The following ZNF713 variants were observed in gnomAD, a reference collection of about 807,000 sequenced individuals.
ZNF713 encodes the protein zinc finger protein 713.
Under a neutral mutation model 28.7 loss-of-function variants are expected in ZNF713, and 21 were observed. The observed-to-expected ratio is 0.73, with a 90% CI of 0.52 to 1.05. The LOEUF is 1.05. Among genes scored for constraint, ZNF713 ranks in the 50% least tolerant of loss-of-function variants. ZNF713 has a pLI of 0.00. For synonymous variants in ZNF713, 167 were observed against 178.0 expected (o/e 0.94, Z 0.49); for missense variants, 458 against 532.4 (o/e 0.86, Z 1.37).
chr7:55,921,947 A>G (rs1273056145), intron 4 of ZNF713, among the ~76,000 whole-genome samples: 4 of 152,030 alleles, frequency 2.6e-5, no homozygotes, highest in African/African-American at 9.7e-5. Flanking sequence ...TTTGTTTGAA[A>G]CAGAGTCTCG....
chr7:55,903,546 A>G (rs1164483307), intron 1 of ZNF713, among the ~76,000 whole-genome samples: 1 of 151,986 alleles, frequency 6.6e-6, no homozygotes, highest in Non-Finnish European at 1.5e-5. Context: ...ACACTCCTGT[A>G]ATCCCAGCCA....
chr7:55,918,638 A>T (rs772051766), intron 4 of ZNF713, among the ~76,000 whole-genome samples: 1 of 152,212 alleles, frequency 6.6e-6, no homozygotes, highest in African/African-American at 2.4e-5. Flanking sequence ...GGAGAATGTT[A>T]TTAGAAGCTG....
chr7:55,890,266 A>G (rs1785356093), intron 1 of ZNF713, among the ~76,000 whole-genome samples: 1 of 152,140 alleles, frequency 6.6e-6, no homozygotes, highest in African/African-American at 2.4e-5. Flanking sequence ...CTTGGCCAAC[A>G]TGGTGAAACC....
At chr7:55,909,991 G>GTA (rs1491058927) in intron 2 of ZNF713, among the ~76,000 whole-genome samples, 5 of 149,598 alleles carry the variant, frequency 3.3e-5, no homozygotes, top group East Asian at 3.9e-4. Context: ...GTGTGTGTGT[G>GTA]TATATACGTT....
chr7:55,917,373 C>G (rs889127488), intron 4 of ZNF713, among the ~76,000 whole-genome samples: 1 of 151,894 alleles, frequency 6.6e-6, no homozygotes, highest in Non-Finnish European at 1.5e-5. Flanking sequence ...AAATACTTCT[C>G]TAAATCAGCA....
chr7:55,931,284 C>CAA (rs34625478), intron 6 of ZNF713, among the ~76,000 whole-genome samples: 1 of 140,152 alleles, frequency 7.1e-6, no homozygotes. Flanking sequence ...AAAACTGTCT[C>CAA]AAAAAAAAAA....
chr7:55,902,581 G>A (rs563879566), intron 1 of ZNF713, among the ~76,000 whole-genome samples: 2 of 152,296 alleles, frequency 1.3e-5, no homozygotes, highest in African/African-American at 4.8e-5. Context: ...GAACAGGGAG[G>A]TGGTCTCTCA....
intron 6 of ZNF713, among the ~76,000 whole-genome samples, chr7:55,927,124 A>G (rs558734362): frequency 6.6e-6 from 1 of 152,252 alleles, no homozygotes; most frequent in Non-Finnish European, 1.5e-5. Context: ...CCTGGGTGAC[A>G]GAGTTAGACT....
At chr7:55,919,506 T>TTTTTTTTTTTTTTTTTTTTTTG (rs1785949156) in intron 4 of ZNF713, among the ~76,000 whole-genome samples, 2 of 63,106 alleles carry the variant, frequency 3.2e-5, no homozygotes, top group African/African-American at 1.5e-4. Flanking sequence ...TTTTTTTTTT[T>TTTTTTTTTTTTTTTTTTTTTTG]TTTTTTTTTT....
chr7:55,904,134 A>T (rs1785634766), intron 1 of ZNF713, among the ~76,000 whole-genome samples: 1 of 91,080 alleles, frequency 1.1e-5, no homozygotes, highest in African/African-American at 4.0e-5. Context: ...AAGAGTCACC[A>T]GTCACCAGTC....
In ZNF713 at chr7:55,939,920, C is replaced by T. The variant is rs774137256; in HGVS notation, c.1246C>T (p.His416Tyr). The T allele has an allele frequency of 1.9e-6, 3 of 1,613,778 alleles. No homozygotes were observed. The South Asian group carries it at 3.3e-5, about 18-fold the overall frequency. The change falls in exon 7 of 7, where the codon CAC becomes TAC. Residue 416 changes from histidine (H) to tyrosine (Y), a missense_variant. His to Tyr is a moderately conservative substitution (Grantham distance 83). Transcript: ENST00000429591. ...TAGCCAGAGTGCACACCTTAATCAA[C>T]ACAGGAAAATCCATACTCGGGAGAA... is the stretch of plus-strand genomic sequence containing the variant. ...AFSQSAHLNQ[H>Y]RKIHTREKLC...
rs1182085364 is a variant in ZNF713 at position 55,940,256 on chromosome 7, GGGACCACAGGTA to G, written c.*251_*262del. ...TCCTGCCTCAGCCTCCTGAGTAGCT[GGGACCACAGGTA>G]TGCACCACCACGCCCAGCTAATTTT... is the stretch of plus-strand genomic sequence containing the variant. On this transcript the variant is annotated 3_prime_UTR_variant, in exon 7 of 7. Coordinates refer to ENST00000429591, the MANE Select transcript of ZNF713 (RefSeq NM_182633.3). 1.7e-6 allele frequency: 1 copy of G among 597,438 alleles called. No individual in the cohort carries two copies. Among genetic ancestry groups the G allele is most frequent in the African/African-American group, 1.9e-5 (1 of 51,404 alleles). The allele number at this position is 597,438 out of a possible 1,614,324, so 37.0% of individuals were successfully genotyped here.
chr7:55,912,314 A>G (rs1785799033), intron 3 of ZNF713, among the ~76,000 whole-genome samples: 2 of 152,218 alleles, frequency 1.3e-5, no homozygotes, highest in Admixed American at 1.3e-4. Context: ...GACCCATGCC[A>G]GATCAATTAA....
At chr7:55,900,021 G>A (rs976872787) in intron 1 of ZNF713, among the ~76,000 whole-genome samples, 5 of 151,992 alleles carry the variant, frequency 3.3e-5, no homozygotes, top group Non-Finnish European at 7.4e-5. Context: ...AGGGATTACA[G>A]GTGTGAGCCA....
chr7:55,899,706 A>G (rs1300009549), intron 1 of ZNF713, among the ~76,000 whole-genome samples: 2 of 151,906 alleles, frequency 1.3e-5, no homozygotes, highest in Non-Finnish European at 2.9e-5. Context: ...GAACTACCAT[A>G]TGATCCAGCA....
At chr7:55,896,329 A>G (rs1785470454) in intron 1 of ZNF713, among the ~76,000 whole-genome samples, 1 of 152,200 alleles carries the variant, frequency 6.6e-6, no homozygotes, top group South Asian at 2.1e-4. Flanking sequence ...GTAAGGCTAA[A>G]GATGAAAAGA....
chr7:55,940,102 A>G lies in ZNF713; in HGVS notation c.*96A>G, dbSNP rs1786436129. The G allele has an allele frequency of 6.8e-7, 1 of 1,468,308 alleles. No homozygotes were observed. The highest frequency in any genetic ancestry group is 1.4e-5 in the African/African-American group (1 of 70,040). 91.0% of individuals were successfully genotyped at this position (1,468,308 alleles called of 1,614,324 possible). A position where few individuals can be genotyped will look rare whatever the true frequency, so the allele number is the denominator to read the frequency against. On this transcript the variant is annotated 3_prime_UTR_variant, in exon 7 of 7. Coordinates refer to ENST00000429591, the MANE Select transcript of ZNF713 (RefSeq NM_182633.3). The stretch of plus-strand genomic sequence containing the variant: ...CAATATCAAATTATTCATAGTGGAG[A>G]GAAAGCTTATACATAAATTTTTGTT...
chr7:55,910,857 C>T (rs1185856220), intron 2 of ZNF713, among the ~76,000 whole-genome samples: 2 of 152,188 alleles, frequency 1.3e-5, no homozygotes, highest in African/African-American at 2.4e-5. Flanking sequence ...TTCCCTCAGC[C>T]TTCCCCTCCA....
chr7:55,909,933 GTATGTGTGTATATA>G (rs987476556), intron 2 of ZNF713, among the ~76,000 whole-genome samples: 1 of 77,670 alleles, frequency 1.3e-5, no homozygotes, highest in African/African-American at 6.3e-5. Context: ...TTGAATATAT[GTATGTGTGTATATA>G]TATGTGTGTG....
Sources: gnomAD v4.1 joint callset for allele counts (sites outside exome capture counted in the v4.1 genomes callset) on GRCh38, gnomAD v4.1.1 for gene constraint, MANE v1.5 for transcripts, NCBI Gene and HGNC (gene_info 2026-07-23, HGNC 2026-07-21) for gene names.